The following GBX1 variants were observed in gnomAD, a reference collection of about 807,000 sequenced individuals.
The protein encoded by GBX1 is homeobox protein GBX-1.
In GBX1, 9 loss-of-function variants were observed where a neutral mutation model predicts 22.9. The ratio of observed to expected loss-of-function variants is 0.39; its 90% confidence interval spans 0.24 to 0.69. The LOEUF (loss-of-function observed/expected upper bound fraction) is 0.69. Among genes scored for constraint, GBX1 ranks in the 30% least tolerant of loss-of-function variants. The pLI is 0.43. For missense variants in GBX1, 494 were observed against 509.2 expected, an observed-to-expected ratio of 0.97 and a Z score of 0.29; for synonymous variants, 203 against 227.3, an observed-to-expected ratio of 0.89 and a Z score of 0.96.
intron 1 of GBX1, among the ~76,000 whole-genome samples, chr7:151,156,414 A>AAAC (rs1778311979): frequency 6.9e-6 from 1 of 145,412 alleles, no homozygotes; most frequent in East Asian, 2.1e-4. Flanking sequence ...AAAAAAAAAA[A>AAAC]AACGAAAAAA....
At chr7:151,151,026 C>T (rs1051119406) in intron 1 of GBX1, among the ~76,000 whole-genome samples, 1 of 152,196 alleles carries the variant, frequency 6.6e-6, no homozygotes, top group Non-Finnish European at 1.5e-5. Context: ...GCCACTGCGC[C>T]CAGCTGACAT....
chr7:151,148,790 G>A lies in GBX1; in HGVS notation c.891C>T (p.Ala297=), dbSNP rs1020827991. ...TGACCTGCACCTCACTGAGCTTGAG[G>A]GCGTGGGCGATCTGAGAGCGCTCTG... is the stretch of plus-strand genomic sequence containing the variant. ...SLTERSQIAH[A]LKLSEVQVKI... is the part of the protein sequence containing the mutation. The change falls in exon 2 of 2, where the codon GCC becomes GCT. Residue 297 remains alanine, a synonymous_variant. Coordinates refer to ENST00000297537, the MANE Select transcript of GBX1 (RefSeq NM_001098834.3). The surrounding 1 kb of genome is among the most constrained non-coding windows in gnomAD (Gnocchi z 5.1). The A allele has an allele frequency of 1.9e-6, 3 of 1,614,048 alleles. No homozygotes were observed. In the Admixed American group the frequency reaches 5.0e-5, roughly 27 times the overall value.
At chr7:151,161,601 C>G (rs532802988) in intron 1 of GBX1, among the ~76,000 whole-genome samples, 5 of 152,262 alleles carry the variant, frequency 3.3e-5, no homozygotes, top group African/African-American at 1.2e-4. Flanking sequence ...TAGTTTAAAA[C>G]AGAACTTGTG....
intron 1 of GBX1, among the ~76,000 whole-genome samples, chr7:151,163,785 C>T (rs1007864020): frequency 1.3e-5 from 2 of 152,192 alleles, no homozygotes; most frequent in Non-Finnish European, 2.9e-5. Flanking sequence ...TCTTTCCTAA[C>T]AGTTCGGAAT....
chr7:151,161,965 T>A (rs1379342747), intron 1 of GBX1, among the ~76,000 whole-genome samples: 1 of 152,232 alleles, frequency 6.6e-6, no homozygotes, highest in Non-Finnish European at 1.5e-5. Flanking sequence ...TCTCCCACTG[T>A]GTCTCAAATA....
chr7:151,152,371 G>A (rs1052966670), intron 1 of GBX1, among the ~76,000 whole-genome samples: 2 of 152,114 alleles, frequency 1.3e-5, no homozygotes, highest in Non-Finnish European at 2.9e-5. Context: ...TCTCACATTA[G>A]CTGGAGAGGA....
At chr7:151,162,814 T>C (rs1801200930) in intron 1 of GBX1, among the ~76,000 whole-genome samples, 1 of 151,516 alleles carries the variant, frequency 6.6e-6, no homozygotes, top group African/African-American at 2.4e-5. Context: ...CTTTTTTTTT[T>C]TTTTTTTTGA....
At chr7:151,153,757 C>T (rs937508497) in intron 1 of GBX1, among the ~76,000 whole-genome samples, 1 of 151,552 alleles carries the variant, frequency 6.6e-6, no homozygotes, top group Non-Finnish European at 1.5e-5. Flanking sequence ...GTGTTGGGGT[C>T]CTACTATGTT....
Position 151,151,674 on chromosome 7 carries a change from T to C in GBX1, c.539-2532A>G, listed in dbSNP as rs939493392. Among the ~76,000 whole-genome samples the C allele has an allele frequency of 1.6e-4, 24 of 152,274 alleles. No individual in the cohort carries two copies. In the South Asian group the frequency reaches 1.9e-3, roughly 12 times the overall value. ...TCTCTCACAACCCACATCCAGTCCA[T>C]CTACAAGCCCTGCTAGTGCTGCTGC... On this transcript the variant is annotated intron_variant, in intron 1 of 1. Transcript: ENST00000297537.
intron 1 of GBX1, among the ~76,000 whole-genome samples, chr7:151,151,463 C>T (rs1014680584): frequency 6.6e-6 from 1 of 152,096 alleles, no homozygotes; most frequent in African/African-American, 2.4e-5. Flanking sequence ...TCATTAAGGT[C>T]TCTTCTCCCA....
intron 1 of GBX1, among the ~76,000 whole-genome samples, chr7:151,165,711 A>G (rs1253022583): frequency 6.6e-6 from 1 of 152,216 alleles, no homozygotes; most frequent in African/African-American, 2.4e-5. Flanking sequence ...AGAAAACAAC[A>G]GCTGAATCCC....
intron 1 of GBX1, among the ~76,000 whole-genome samples, chr7:151,154,333 T>A (rs1162294774): frequency 6.6e-6 from 1 of 152,054 alleles, no homozygotes; most frequent in African/African-American, 2.4e-5. Context: ...ATGAAAAAAA[T>A]TTCCTATGGA....
chr7:151,163,906 C>T (rs73727489), intron 1 of GBX1, among the ~76,000 whole-genome samples: 3,992 of 152,222 alleles, frequency 0.026, 171 homozygotes, highest in African/African-American at 0.09. Context: ...TAACTTTCTA[C>T]CCAATTACTT....
chr7:151,162,228 C>A (rs570622172), intron 1 of GBX1, among the ~76,000 whole-genome samples: 1 of 152,302 alleles, frequency 6.6e-6, no homozygotes, highest in Admixed American at 6.5e-5. Flanking sequence ...TCACTTCCCC[C>A]AAAAATCTCC....
chr7:151,160,779 A>G (rs1801180691), intron 1 of GBX1, among the ~76,000 whole-genome samples: 1 of 152,170 alleles, frequency 6.6e-6, no homozygotes, highest in African/African-American at 2.4e-5. Context: ...TAAGCTGATA[A>G]CTTTCTCCCA....
At chr7:151,162,014 C>T (rs1801192605) in intron 1 of GBX1, among the ~76,000 whole-genome samples, 1 of 152,170 alleles carries the variant, frequency 6.6e-6, no homozygotes, top group Non-Finnish European at 1.5e-5. Context: ...TAAATGTTCC[C>T]TGAATTGAAC....
At chr7:151,165,819 G>A (rs1801244480) in intron 1 of GBX1, among the ~76,000 whole-genome samples, 1 of 152,218 alleles carries the variant, frequency 6.6e-6, no homozygotes, top group African/African-American at 2.4e-5. Context: ...TTTGGACAAT[G>A]TCAGAAAGGG....
chr7:151,164,922 C>T (rs1801232894), intron 1 of GBX1, among the ~76,000 whole-genome samples: 1 of 151,416 alleles, frequency 6.6e-6, no homozygotes, highest in Non-Finnish European at 1.5e-5. Context: ...TTCCTTATTC[C>T]CCTAGTATTT....
intron 1 of GBX1, among the ~76,000 whole-genome samples, chr7:151,154,084 A>G (rs2150548267): frequency 6.6e-6 from 1 of 152,278 alleles, no homozygotes; most frequent in South Asian, 2.1e-4. Context: ...CTAAAAATAC[A>G]AAAATTAGCC....
Sources: gnomAD v4.1 joint callset for allele counts (sites outside exome capture counted in the v4.1 genomes callset) on GRCh38, gnomAD v4.1.1 for gene constraint, Gnocchi (gnomAD v3.1) non-coding constraint, MANE v1.5 for transcripts, NCBI Gene and HGNC (gene_info 2026-07-23, HGNC 2026-07-21) for gene names.